Variants in ADGRD1 observed in about 807,000 individuals in gnomAD.
ADGRD1 encodes the protein G-protein coupled receptor 133.
A neutral mutation model predicts 113.4 loss-of-function variants in ADGRD1; 77 were observed. The ratio of observed to expected loss-of-function variants is 0.68; its 90% CI spans 0.57 to 0.82. ADGRD1 has a LOEUF of 0.82. Ranked by LOEUF, ADGRD1 falls within the 40% of genes least tolerant of loss-of-function variation. ADGRD1 has a pLI of 0.00. For missense variants in ADGRD1, 1,036 were observed against 1,139.1 expected (o/e 0.91, Z 1.30); for synonymous variants, 474 against 475.0 (o/e 1.00, Z 0.03).
chr12:131,121,890 C>T (rs929322220), intron 20 of ADGRD1: 1 of 152,370 alleles, frequency 6.6e-6, no homozygotes, highest in Non-Finnish European at 1.5e-5. Flanking sequence ...AGTCATGTGT[C>T]CGTCCCAGAA....
rs757558764 is a variant in ADGRD1 at position 131,050,640 on chromosome 12, C to T, written c.1474-26161C>T. ...ACACACTTTTAAGCGACCAGATCCA[C>T]GAGAACGCATGATCGTGGGGACAGT... On this transcript the variant is annotated intron_variant, in intron 13 of 24. Transcript: ENST00000261654. The surrounding 1 kb of genome is among the most constrained non-coding windows in gnomAD (Gnocchi z 4.8). Among the ~76,000 whole-genome samples the T allele has an allele frequency of 2.0e-5, 3 of 151,912 alleles. No homozygotes were observed. Among genetic ancestry groups the T allele is most frequent in the African/African-American group, 7.3e-5 (3 of 41,330 alleles).
chr12:131,046,107 C>A (rs1029295826), intron 13 of ADGRD1, among the ~76,000 whole-genome samples: 1 of 149,602 alleles, frequency 6.7e-6, no homozygotes, highest in African/African-American at 2.5e-5. Flanking sequence ...TGCTCCCTCC[C>A]AGGTCAGTGT....
chr12:130,962,987 A>G (rs1870535435), intron 2 of ADGRD1: 1 of 152,242 alleles, frequency 6.6e-6, no homozygotes, highest in Non-Finnish European at 1.5e-5. Flanking sequence ...CAATTGTGAA[A>G]GCAAGCCTTA....
chr12:131,066,206 G>A (rs1266930464), intron 13 of ADGRD1, among the ~76,000 whole-genome samples: 3 of 152,218 alleles, frequency 2.0e-5, no homozygotes, highest in Non-Finnish European at 2.9e-5. Context: ...TACAAGATTT[G>A]AATATTTTTA....
intron 18 of ADGRD1, among the ~76,000 whole-genome samples, chr12:131,114,908 C>T (rs1407454871): frequency 6.6e-6 from 1 of 152,210 alleles, no homozygotes; most frequent in Non-Finnish European, 1.5e-5. Flanking sequence ...AGACAAGAAA[C>T]TCTGATTGCA....
chr12:131,070,911 G>A (rs898529091), intron 13 of ADGRD1: 1 of 518,930 alleles, frequency 1.9e-6, no homozygotes, highest in African/African-American at 1.9e-5. Context: ...CATCCAGGAT[G>A]GTGGAGAAGA....
At chr12:130,994,714 G>T (rs1874997108) in intron 8 of ADGRD1, among the ~76,000 whole-genome samples, 1 of 152,244 alleles carries the variant, frequency 6.6e-6, no homozygotes, top group Non-Finnish European at 1.5e-5. Context: ...ATGAGCCACA[G>T]TTGCATGCTC....
intron 8 of ADGRD1, among the ~76,000 whole-genome samples, chr12:131,000,120 G>A (rs1193619599): frequency 7.9e-5 from 12 of 152,312 alleles, no homozygotes; most frequent in Middle Eastern, 6.8e-3. Context: ...GGCCCCTGCC[G>A]TCACTGAGCA....
At chr12:131,073,405 A>T (rs1201994491) in intron 13 of ADGRD1, among the ~76,000 whole-genome samples, 2 of 152,218 alleles carry the variant, frequency 1.3e-5, no homozygotes, top group Non-Finnish European at 2.9e-5. Context: ...AGAGGGTGGC[A>T]CAGAGGGCTG....
chr12:131,026,934 A>C (rs993621306), intron 13 of ADGRD1: 1 of 152,228 alleles, frequency 6.6e-6, no homozygotes, highest in Non-Finnish European at 1.5e-5. Context: ...GCGGACTATT[A>C]CACACAGTCA....
At chr12:131,104,691 A>C in intron 15 of ADGRD1, 140 bp from the exon 16 acceptor site, 1 of 575,446 alleles carries the variant, frequency 1.7e-6, no homozygotes, top group South Asian at 2.3e-5. Context: ...AGCAACAGAC[A>C]TTTGGGCTGG....
chr12:131,071,852 G>A (rs1053075180), intron 13 of ADGRD1, among the ~76,000 whole-genome samples: 1 of 151,402 alleles, frequency 6.6e-6, no homozygotes, highest in Non-Finnish European at 1.5e-5. Context: ...CTCCTCTGTG[G>A]GCTCCGTCTC....
At chr12:131,043,937 T>A (rs1307031767) in intron 13 of ADGRD1, among the ~76,000 whole-genome samples, 1 of 152,108 alleles carries the variant, frequency 6.6e-6, no homozygotes, top group Non-Finnish European at 1.5e-5. Flanking sequence ...TTGGGGACCT[T>A]ATTCTGAGGA....
chr12:131,042,720 G>A (rs1882262877), intron 13 of ADGRD1, among the ~76,000 whole-genome samples: 1 of 152,204 alleles, frequency 6.6e-6, no homozygotes, highest in Non-Finnish European at 1.5e-5. Flanking sequence ...GGGGGACGCC[G>A]ACCTCCAACC....
rs145367340 is a variant in ADGRD1 at position 130,954,979 on chromosome 12, C to CTTTTTT, written c.103+321_103+326dup. ...TCTTTCTCTCTTTCTTCCTTTCTTC[C>CTTTTTT]TTTTTTTCTTTTTGAGATGGAGTCT... On this transcript the variant is annotated intron_variant, in intron 2 of 24. Coordinates refer to ENST00000261654, the MANE Select transcript of ADGRD1 (RefSeq NM_198827.5). The surrounding 1 kb of genome is among the most constrained non-coding windows in gnomAD (Gnocchi z 4.7). Among the ~76,000 whole-genome samples the CTTTTTT allele has an allele frequency of 7.9e-5, 12 of 151,650 alleles. No homozygotes were observed. Among genetic ancestry groups the CTTTTTT allele is most frequent in the African/African-American group, 2.9e-4 (12 of 41,152 alleles).
In ADGRD1 at chr12:130,966,880, A is replaced by G; in HGVS notation, c.187+334A>G. On this transcript the variant is annotated intron_variant, in intron 3 of 24. Coordinates refer to ENST00000261654, the MANE Select transcript of ADGRD1 (RefSeq NM_198827.5). This position sits in a 1 kb window ranked among gnomAD's most constrained non-coding sequence, Gnocchi z 4.6. ...AGCAATCCTCTGGCCTTGGCCTCCC[A>G]AAGTGCTGGAATTACAGGCGTGAGC... is the stretch of plus-strand genomic sequence containing the variant. The G allele has an allele frequency of 2.3e-6, 1 of 427,262 alleles. No individual in the cohort carries two copies. The highest frequency in any genetic ancestry group is 4.8e-6 in the Non-Finnish European group (1 of 210,290). 26.5% of individuals were successfully genotyped at this position (427,262 alleles called of 1,614,324 possible).
chr12:130,981,953 G>GAC lies in ADGRD1; in HGVS notation c.382_383dup (p.Gln128HisfsTer28). The GAC allele has an allele frequency of 6.2e-7, 1 of 1,613,720 alleles. No homozygotes were observed. Among genetic ancestry groups the GAC allele is most frequent in the South Asian group, 1.1e-5 (1 of 91,066 alleles). ...AGACCAATCCCTTCTGCGTATGGGG[G>GAC]ACAGGTCATCTCCAATGGGTTCAAA... On this transcript the variant is annotated frameshift_variant, in exon 5 of 25. Transcript: ENST00000261654. LOFTEE classifies it high-confidence loss of function.
At chr12:131,039,710 G>A (rs957298129) in intron 13 of ADGRD1, among the ~76,000 whole-genome samples, 2 of 152,234 alleles carry the variant, frequency 1.3e-5, no homozygotes, top group African/African-American at 4.8e-5. Context: ...CCCTGGAGGA[G>A]GGTGGCTGGT....
intron 13 of ADGRD1, among the ~76,000 whole-genome samples, chr12:131,046,109 G>A (rs951929224): frequency 6.8e-6 from 1 of 147,940 alleles, no homozygotes; most frequent in Non-Finnish European, 1.5e-5. Context: ...CTCCCTCCCA[G>A]GTCAGTGTCC....
Sources: allele counts gnomAD v4.1 joint callset (sites outside exome capture counted in the v4.1 genomes callset), GRCh38; gene constraint gnomAD v4.1.1; non-coding constraint Gnocchi (gnomAD v3.1); transcripts MANE v1.5; gene names NCBI Gene and HGNC (gene_info 2026-07-23, HGNC 2026-07-21).